FBXW2: variants seen among roughly 807,000 people sequenced by gnomAD.
FBXW2 encodes the protein F-box and WD repeat domain containing 2, also known as F-box/WD repeat-containing protein 2.
A neutral mutation model predicts 46.0 loss-of-function variants in FBXW2; 12 were observed. That is an observed-to-expected ratio of 0.26 (90% confidence interval 0.17 to 0.42). The LOEUF (loss-of-function observed/expected upper bound fraction) is 0.42, where lower values mean the gene tolerates loss of function less well. FBXW2 is among the 10% of genes least tolerant of loss of function. FBXW2 has a pLI of 1.00. For synonymous variants in FBXW2, 203 were observed against 209.6 expected (o/e 0.97, Z 0.27); for missense variants, 360 against 537.0 (o/e 0.67, Z 3.26).
At chr9:120,767,467 G>A (rs2044296553) in intron 7 of FBXW2, among the ~76,000 whole-genome samples, 2 of 152,180 alleles carry the variant, frequency 1.3e-5, no homozygotes, top group Non-Finnish European at 2.9e-5. Context: ...TGATCCCAGG[G>A]AAAGCAGTAA....
Position 120,771,485 on chromosome 9 carries a change from C to T in FBXW2, c.939G>A (p.Lys313=). 3 of 1,612,736 alleles carry T rather than the reference C, an allele frequency of 1.9e-6. No homozygotes were observed. Among genetic ancestry groups the T allele is most frequent in the East Asian group, 4.5e-5 (2 of 44,878 alleles). The stretch of plus-strand genomic sequence containing the variant: ...CAGAGACAGACAATGTCTTTAAGCA[C>T]TTACAGTTGATTTCTCTCCCAATTG... The part of the protein sequence containing the change: ...IWPIGREINC[K]CLKTLSVSED... Residue 313 remains lysine, a synonymous_variant, in exon 7 of 8, where the codon AAG becomes AAA. Coordinates refer to ENST00000608872, the MANE Select transcript of FBXW2 (RefSeq NM_012164.4).
chr9:120,788,449 T>C (rs2044767377), intron 2 of FBXW2, among the ~76,000 whole-genome samples, 171 bp from the exon 3 acceptor site: 3 of 152,226 alleles, frequency 2.0e-5, no homozygotes, highest in Non-Finnish European at 4.4e-5. Flanking sequence ...ACACTTTCCA[T>C]GCACACAAAA....
At chr9:120,775,520 G>A (rs999923506) in intron 5 of FBXW2, among the ~76,000 whole-genome samples, 1 of 152,116 alleles carries the variant, frequency 6.6e-6, no homozygotes, top group Non-Finnish European at 1.5e-5. Context: ...CTCATAGAAT[G>A]GGATGGTAAA....
intron 7 of FBXW2, among the ~76,000 whole-genome samples, chr9:120,767,380 T>C (rs2044295348): frequency 6.6e-6 from 1 of 152,176 alleles, no homozygotes. Context: ...AGATGACATG[T>C]TTGAGAACAT....
intron 4 of FBXW2, among the ~76,000 whole-genome samples, chr9:120,777,424 C>T (rs1161530184): frequency 6.6e-6 from 1 of 152,188 alleles, no homozygotes; most frequent in Non-Finnish European, 1.5e-5. Context: ...ACTCCAGTCA[C>T]ATGGGTGAAC....
rs1428576690 is a variant in FBXW2 at position 120,759,081 on chromosome 9, C to A, written c.*5478G>T. 3.3e-5 allele frequency: 5 copies of A among 152,166 alleles called. No individual in the cohort carries two copies. The highest frequency in any genetic ancestry group is 3.3e-4 in the Admixed American group (5 of 15,274). The allele number at this position is 152,166 out of a possible 1,614,324, so 9.4% of individuals were successfully genotyped here. On this transcript the variant is annotated 3_prime_UTR_variant, in exon 8 of 8. Transcript: ENST00000608872. ...AAAAACAGAGCCACCTCAGATCACT[C>A]AAGGGGTTGTTCTATTTTCAAAAAC...
rs997720961 is a variant in FBXW2 at position 120,776,225 on chromosome 9, T to C, written c.687A>G (p.Val229=). 2.5e-6 allele frequency: 4 copies of C among 1,613,414 alleles called. No homozygotes were observed. The highest frequency in any genetic ancestry group is 2.7e-5 in the African/African-American group (2 of 74,872). ...TQHFRGHTGA[V]FSVDYNDELD... is the part of the protein sequence containing the mutation. Reference sequence around the variant, plus strand: ...GTTCATCATTGTAGTCCACGCTAAATACTAGTGCATATAATTACACAAAGT... The same window carrying C: ...GTTCATCATTGTAGTCCACGCTAAACACTAGTGCATATAATTACACAAAGT... Residue 229 remains valine (V), a splice_region_variant and synonymous_variant, in exon 5 of 8, where the codon GTA becomes GTG. Transcript: ENST00000608872.
At chr9:120,783,529 A>G (rs908455204) in intron 3 of FBXW2, among the ~76,000 whole-genome samples, 1 of 152,094 alleles carries the variant, frequency 6.6e-6, no homozygotes, top group African/African-American at 2.4e-5. Context: ...AGATCTAACA[A>G]CTCTGACCCT....
Position 120,771,402 on chromosome 9 carries a change from C to T in FBXW2, c.1022G>A (p.Cys341Tyr). 1.2e-6 allele frequency: 2 copies of T among 1,614,176 alleles called. No homozygotes were observed. Among genetic ancestry groups the T allele is most frequent in the Non-Finnish European group, 1.7e-6 (2 of 1,180,012 alleles). ...RLHFDGKYIV[C>Y]SSALGLYQWD... ...CTGGTAGAGACCAAGTGCTGAACTA[C>T]AGACAATGTATTTGCCATCAAAATG... Residue 341 changes from cysteine (C) to tyrosine (Y), a missense_variant, in exon 7 of 8, where the codon TGT becomes TAT. Transcript: ENST00000608872.
In FBXW2 at chr9:120,776,166, G is replaced by C; in HGVS notation, c.746C>G (p.Thr249Ser). 1 of 1,614,140 alleles carries C rather than the reference G, an allele frequency of 6.2e-7. No individual in the cohort carries two copies. Among genetic ancestry groups the C allele is most frequent in the Non-Finnish European group, 8.5e-7 (1 of 1,180,034 alleles). Residue 249 changes from threonine (T) to serine (S), a missense_variant, in exon 5 of 8, where the codon ACT (threonine) becomes AGT (serine). By Grantham distance (58) the Thr-to-Ser change is moderately conservative. Coordinates refer to ENST00000608872, the MANE Select transcript of FBXW2 (RefSeq NM_012164.4). Reference sequence around the variant, plus strand: ...AGCAGATAAAGCCCATACTTTCACAGTGAAGTCTGCAGAGCCGCTCACCAA... The same window carrying C: ...AGCAGATAAAGCCCATACTTTCACACTGAAGTCTGCAGAGCCGCTCACCAA... Reference protein sequence around the residue: ...DILVSGSADFTVKVWALSAGT... With the variant: ...DILVSGSADFSVKVWALSAGT...
intron 1 of FBXW2, 21 bp downstream of exon 1, chr9:120,793,333 G>T (rs949094117): frequency 4.7e-6 from 2 of 425,778 alleles, no homozygotes; most frequent in Non-Finnish European, 8.3e-6. Context: ...CTCCCCGACC[G>T]GCCCCGCCTC....
At chr9:120,789,272 C>T (rs535341975) in intron 2 of FBXW2, among the ~76,000 whole-genome samples, 2 of 152,198 alleles carry the variant, frequency 1.3e-5, no homozygotes, top group Admixed American at 6.5e-5. Context: ...AGGAGAACCA[C>T]GACCAAGTGG....
In FBXW2 at chr9:120,788,248, T is replaced by C. The variant is rs1334837183; in HGVS notation, c.11A>G (p.Lys4Arg). ...GTTATCAAGCCATGTCTCAAAGTCCTTTCTCTCCATAAGGTTATGGAAAAA... is the reference window on the plus strand; with the variant it reads ...GTTATCAAGCCATGTCTCAAAGTCCCTTCTCTCCATAAGGTTATGGAAAAA... MER[K>R]DFETWLDNIS... The change falls in exon 3 of 8, where the codon AAG becomes AGG. Residue 4 changes from lysine to arginine, a missense_variant. Lys to Arg is a conservative substitution (Grantham distance 26, BLOSUM62 2). Transcript: ENST00000608872. 1.9e-6 allele frequency: 3 copies of C among 1,613,498 alleles called. No individual in the cohort carries two copies. The South Asian group carries it at 3.3e-5, about 18-fold the overall frequency.
intron 2 of FBXW2, among the ~76,000 whole-genome samples, chr9:120,790,774 T>C (rs1338898705): frequency 1.3e-5 from 2 of 152,152 alleles, no homozygotes; most frequent in Non-Finnish European, 2.9e-5. Flanking sequence ...CATGTATACC[T>C]ATGTAACAAA....
rs1341531776 is a variant in FBXW2 at position 120,763,604 on chromosome 9, GTCATT to G, written c.*950_*954del. ...TGTTCTTATAGAAAACTCTGTAACAGTCATTTCATTTAAATATTATCCGACCTGAA... is the reference window on the plus strand; with the variant it reads ...TGTTCTTATAGAAAACTCTGTAACAGTCATTTAAATATTATCCGACCTGAA... On this transcript the variant is annotated 3_prime_UTR_variant, in exon 8 of 8. Coordinates refer to ENST00000608872, the MANE Select transcript of FBXW2 (RefSeq NM_012164.4). 1 of 152,164 alleles carries G rather than the reference GTCATT, an allele frequency of 6.6e-6. No homozygotes were observed. The highest frequency in any genetic ancestry group is 1.5e-5 in the Non-Finnish European group (1 of 68,030). 9.4% of individuals were successfully genotyped at this position (152,164 alleles called of 1,614,324 possible).
At chr9:120,778,149 T>G (rs1214175278) in intron 4 of FBXW2, among the ~76,000 whole-genome samples, 1 of 147,764 alleles carries the variant, frequency 6.8e-6, no homozygotes, top group Non-Finnish European at 1.5e-5. Context: ...GGTACACACA[T>G]AGAAGAAAGC....
chr9:120,786,140 C>T (rs1376560798), intron 3 of FBXW2, among the ~76,000 whole-genome samples: 2 of 151,486 alleles, frequency 1.3e-5, no homozygotes, highest in Non-Finnish European at 2.9e-5. Context: ...TACAAAGACA[C>T]TAATAAAAAC....
At position 120,776,202 on chromosome 9, in the gene FBXW2, T is replaced by C. The variant is rs774733183; in HGVS notation, c.710A>G (p.Glu237Gly). 6.2e-7 allele frequency: 1 copy of C among 1,614,148 alleles called. No individual in the cohort carries two copies. The highest frequency in any genetic ancestry group is 8.5e-7 in the Non-Finnish European group (1 of 1,180,012). The change falls in exon 5 of 8, where the codon GAA becomes GGA. Residue 237 changes from glutamate to glycine, a missense_variant. Glu to Gly is a moderately conservative substitution (Grantham distance 98). Coordinates refer to ENST00000608872, the MANE Select transcript of FBXW2 (RefSeq NM_012164.4). ...GAVFSVDYND[E>G]LDILVSGSAD... ...AGAGCCGCTCACCAAGATATCCAGT[T>C]CATCATTGTAGTCCACGCTAAATAC...
rs374179122 is a variant in FBXW2, at chr9:120,788,101, T to C, written c.158A>G (p.Lys53Arg). 8 of 1,614,184 alleles carry C rather than the reference T, an allele frequency of 5.0e-6. No homozygotes were observed. The highest frequency in any genetic ancestry group is 5.9e-6 in the Non-Finnish European group (7 of 1,180,028). The change falls in exon 3 of 8, where the codon AAG (lysine) becomes AGG (arginine). Residue 53 changes from lysine to arginine, a missense_variant. Transcript: ENST00000608872. ...GGGAAGGAGTTTGAGGAAGTCCCGC[T>C]TGAGGAGAGTCTCTAGGTTATTGGA... ...HLSNNLETLLKRDFLKLLPLE... is the reference protein window; with the variant it reads ...HLSNNLETLLRRDFLKLLPLE...
Sources: gnomAD v4.1 joint callset for allele counts (sites outside exome capture counted in the v4.1 genomes callset) on GRCh38, gnomAD v4.1.1 for gene constraint, MANE v1.5 for transcripts, NCBI Gene and HGNC (gene_info 2026-07-23, HGNC 2026-07-21) for gene names.